KALRN: variants seen among roughly 807,000 people sequenced by gnomAD.
KALRN encodes kalirin RhoGEF kinase, also known as kalirin.
In KALRN, 70 loss-of-function variants were observed where a neutral mutation model predicts 353.7. That is an observed-to-expected ratio of 0.20 (90% CI 0.16 to 0.24). The LOEUF is 0.24. KALRN is among the 10% of genes least tolerant of loss of function. The probability of loss-of-function intolerance (pLI) is 1.00; values close to 1 mark genes in which losing one functional copy is unlikely to be tolerated. For synonymous variants in KALRN, 1,391 were observed against 1,434.8 expected, an observed-to-expected ratio of 0.97 and a Z score of 0.69; for missense variants, 2,791 against 3,756.7, an observed-to-expected ratio of 0.74 and a Z score of 6.72.
intron 34 of KALRN, among the ~76,000 whole-genome samples, chr3:124,623,427 C>CACACACACACACACACA (rs139583497): frequency 6.8e-6 from 1 of 147,016 alleles, no homozygotes; most frequent in Admixed American, 6.8e-5. Flanking sequence ...CACACACACA[C>CACACACACACACACACA]AAAAGGGAGT....
chr3:124,497,788 A>G (rs2064029837), intron 33 of KALRN, among the ~76,000 whole-genome samples: 1 of 152,208 alleles, frequency 6.6e-6, no homozygotes, highest in South Asian at 2.1e-4. Context: ...AGTCAAGTGC[A>G]GTGTTTCCCA....
chr3:124,319,535 A>G (rs187512299), intron 6 of KALRN, among the ~76,000 whole-genome samples: 1 of 149,402 alleles, frequency 6.7e-6, no homozygotes, highest in East Asian at 1.9e-4. Flanking sequence ...TCTCCTCTGT[A>G]TAGTTTTAAT....
intron 3 of KALRN, among the ~76,000 whole-genome samples, chr3:124,250,377 C>T (rs914167115): frequency 2.6e-5 from 4 of 152,154 alleles, no homozygotes; most frequent in African/African-American, 9.7e-5. Flanking sequence ...GTGGTGATGG[C>T]ATGGTAGTAG....
At chr3:124,714,516 C>T (rs545859161) in intron 58 of KALRN, among the ~76,000 whole-genome samples, 3 of 152,234 alleles carry the variant, frequency 2.0e-5, no homozygotes, top group South Asian at 4.1e-4. Context: ...GCTGGGGCCC[C>T]GAGTCCTCAT....
intron 33 of KALRN, among the ~76,000 whole-genome samples, chr3:124,545,456 T>C (rs2069522707): frequency 6.6e-6 from 1 of 151,970 alleles, no homozygotes; most frequent in African/African-American, 2.4e-5. Context: ...TTTTCTCAAA[T>C]CTTATATGCT....
At chr3:124,447,579 G>T (rs377365335) in intron 21 of KALRN, among the ~76,000 whole-genome samples, 1 of 152,110 alleles carries the variant, frequency 6.6e-6, no homozygotes, top group Non-Finnish European at 1.5e-5. Flanking sequence ...TCTCTCACAC[G>T]GGGCTCCTTG....
intron 33 of KALRN, among the ~76,000 whole-genome samples, chr3:124,528,671 T>C (rs2067790086): frequency 6.6e-6 from 1 of 152,190 alleles, no homozygotes; most frequent in Non-Finnish European, 1.5e-5. Flanking sequence ...TCTAGAGAGA[T>C]ACATTGCAAG....
At chr3:124,054,553 G>C (rs2041350324) in intron 1 of KALRN, among the ~76,000 whole-genome samples, 1 of 152,030 alleles carries the variant, frequency 6.6e-6, no homozygotes, top group South Asian at 2.1e-4. Context: ...GTACCTGTAA[G>C]GCCTTTCCCT....
Position 124,403,080 on chromosome 3 carries a change from A to G in KALRN, c.2346+4209A>G, listed in dbSNP as rs371394428. 3.7e-4 allele frequency among the ~76,000 whole-genome samples: 57 copies of G among 152,320 alleles called. 1 individual carries two copies. The highest frequency in any genetic ancestry group is 1.3e-3 in the African/African-American group (54 of 41,582). On this transcript the variant is annotated intron_variant, in intron 13 of 59. Transcript: ENST00000682506. ...AATAATTTGAAATGTGCTGAAAGCAATGAACAAATGAGCCACAGTCAGCCA... is the reference window on the plus strand; with the variant it reads ...AATAATTTGAAATGTGCTGAAAGCAGTGAACAAATGAGCCACAGTCAGCCA...
chr3:124,514,815 C>T (rs1204109486), intron 33 of KALRN, among the ~76,000 whole-genome samples: 1 of 152,192 alleles, frequency 6.6e-6, no homozygotes, highest in Non-Finnish European at 1.5e-5. Flanking sequence ...TCAGTTCCCT[C>T]TTCTCATAAG....
Position 124,123,769 on chromosome 3 carries a change from T to G in KALRN, c.73+89956T>G, listed in dbSNP as rs141070026. Among the ~76,000 whole-genome samples the G allele has an allele frequency of 7.1e-4, 108 of 152,306 alleles. No individual in the cohort carries two copies. In the South Asian group the frequency reaches 0.014, roughly 20 times the overall value. ...GGTGACTTTAAGTTGAACCCAATGCTCATTTACCATTCCCCCAAATCCCGA... is the reference window on the plus strand; with the variant it reads ...GGTGACTTTAAGTTGAACCCAATGCGCATTTACCATTCCCCCAAATCCCGA... On this transcript the variant is annotated intron_variant, in intron 1 of 59. Coordinates refer to ENST00000682506, the MANE Select transcript of KALRN (RefSeq NM_001388419.1).
chr3:124,675,572 T>C (rs1027130805), intron 49 of KALRN: 2 of 150,558 alleles, frequency 1.3e-5, no homozygotes, highest in African/African-American at 2.5e-5. Context: ...GGTGAATGCA[T>C]TGGCATTTTT....
At chr3:124,128,286 G>A (rs569234735) in intron 1 of KALRN, among the ~76,000 whole-genome samples, 1 of 152,310 alleles carries the variant, frequency 6.6e-6, no homozygotes, top group East Asian at 1.9e-4. Flanking sequence ...GGGATATTGA[G>A]ACATTGATGC....
intron 5 of KALRN, among the ~76,000 whole-genome samples, chr3:124,282,810 G>C (rs1165715410): frequency 6.6e-6 from 1 of 152,174 alleles, no homozygotes; most frequent in Non-Finnish European, 1.5e-5. Flanking sequence ...TATCCTGTAG[G>C]GTCTGGAAGC....
chr3:124,269,268 C>T lies in KALRN; in HGVS notation c.969+13C>T, dbSNP rs2073894059. The T allele has an allele frequency of 6.4e-7, 1 of 1,572,590 alleles. No homozygotes were observed. Among genetic ancestry groups the T allele is most frequent in the East Asian group, 2.3e-5 (1 of 44,118 alleles). On this transcript the variant is annotated intron_variant, in intron 5 of 59. Transcript: ENST00000682506. ...GGATGCTGAGAAGGTAGGAAGGGAA[C>T]AGGCCAAACCTGAGCCGGGATGGGG...
At chr3:124,209,446 G>A (rs1265679769) in intron 1 of KALRN, among the ~76,000 whole-genome samples, 1 of 127,802 alleles carries the variant, frequency 7.8e-6, no homozygotes, top group Non-Finnish European at 1.6e-5. Context: ...CCGAGATCTC[G>A]CCACTGCACT....
intron 11 of KALRN, among the ~76,000 whole-genome samples, chr3:124,385,534 T>G (rs1373394179): frequency 6.6e-6 from 1 of 152,192 alleles, no homozygotes; most frequent in African/African-American, 2.4e-5. Flanking sequence ...TTTAATCTTC[T>G]TAATGAGGTC....
At chr3:124,237,061 C>T (rs2079867497) in intron 3 of KALRN, among the ~76,000 whole-genome samples, 1 of 152,218 alleles carries the variant, frequency 6.6e-6, no homozygotes, top group Admixed American at 6.5e-5. Flanking sequence ...CTCTTGGCTA[C>T]ATGTCACACA....
chr3:124,392,933 C>T (rs2089655323), intron 11 of KALRN, among the ~76,000 whole-genome samples: 1 of 121,202 alleles, frequency 8.3e-6, no homozygotes, highest in Non-Finnish European at 1.7e-5. Flanking sequence ...GCTATCCCTC[C>T]CCCCTCCCCC....
Sources: allele counts gnomAD v4.1 joint callset (sites outside exome capture counted in the v4.1 genomes callset), GRCh38; gene constraint gnomAD v4.1.1; transcripts MANE v1.5; gene names NCBI Gene and HGNC (gene_info 2026-07-23, HGNC 2026-07-21).